Variants in RALYL observed in about 807,000 individuals in gnomAD.
RALYL encodes RALY RNA binding protein like.
In RALYL, 29 loss-of-function variants were observed where a neutral mutation model predicts 35.1. The observed-to-expected ratio is 0.83, with a 90% CI of 0.61 to 1.13. The LOEUF (loss-of-function observed/expected upper bound fraction) is 1.13, where lower values mean the gene tolerates loss of function less well. RALYL is among the 50% of genes most tolerant of loss of function. The probability of loss-of-function intolerance (pLI) is 0.00; values close to 1 mark genes in which losing one functional copy is unlikely to be tolerated. For missense variants in RALYL, 359 were observed against 360.4 expected (o/e 1.00, Z 0.03); for synonymous variants, 120 against 127.6 (o/e 0.94, Z 0.40).
At chr8:84,902,498 C>T (rs948149150) in intron 8 of RALYL, among the ~76,000 whole-genome samples, 1 of 152,148 alleles carries the variant, frequency 6.6e-6, no homozygotes, top group Non-Finnish European at 1.5e-5. Flanking sequence ...TATCATATGT[C>T]TACACTGTAA....
intron 1 of RALYL, among the ~76,000 whole-genome samples, chr8:84,333,854 GT>G (rs1847276523): frequency 6.6e-6 from 1 of 152,016 alleles, no homozygotes; most frequent in South Asian, 2.1e-4. Flanking sequence ...AACAGCAGGG[GT>G]GGGGGCAGCT....
chr8:84,342,501 A>C (rs1162069176), intron 1 of RALYL, among the ~76,000 whole-genome samples: 1 of 151,414 alleles, frequency 6.6e-6, no homozygotes, highest in Non-Finnish European at 1.5e-5. Flanking sequence ...TGGTGCTTGA[A>C]GAAGCGAATT....
intron 4 of RALYL, among the ~76,000 whole-genome samples, chr8:84,820,854 G>A (rs1401626083): frequency 6.6e-6 from 1 of 152,140 alleles, no homozygotes; most frequent in Non-Finnish European, 1.5e-5. Flanking sequence ...TACTGAATGT[G>A]TATATGAATA....
At chr8:84,581,374 A>G (rs577496807) in intron 2 of RALYL, among the ~76,000 whole-genome samples, 1 of 152,282 alleles carries the variant, frequency 6.6e-6, no homozygotes, top group Non-Finnish European at 1.5e-5. Flanking sequence ...TCTCCTGACT[A>G]TATCTATTGT....
intron 2 of RALYL, among the ~76,000 whole-genome samples, chr8:84,721,045 A>G (rs1251605123): frequency 1.3e-5 from 2 of 152,008 alleles, no homozygotes; most frequent in African/African-American, 4.8e-5. Context: ...TACAGCCACA[A>G]TGGAAAACAG....
chr8:84,691,164 TACAA>T (rs1238333572), intron 2 of RALYL, among the ~76,000 whole-genome samples: 5 of 152,130 alleles, frequency 3.3e-5, no homozygotes, highest in Non-Finnish European at 7.4e-5. Flanking sequence ...TTTATTAGAC[TACAA>T]ACATTTTGTA....
intron 2 of RALYL, among the ~76,000 whole-genome samples, chr8:84,735,231 G>T (rs1185985889): frequency 2.0e-5 from 3 of 151,730 alleles, no homozygotes; most frequent in Non-Finnish European, 2.9e-5. Flanking sequence ...CTCCAGTACT[G>T]TTCCAAGTTC....
chr8:84,488,618 T>G (rs1406087277), intron 1 of RALYL, among the ~76,000 whole-genome samples: 3 of 151,916 alleles, frequency 2.0e-5, no homozygotes, highest in Non-Finnish European at 2.9e-5. Flanking sequence ...GGAACAACTG[T>G]GTAGAGCAGA....
chr8:84,226,914 A>T (rs1824020316), intron 1 of RALYL, among the ~76,000 whole-genome samples: 1 of 151,978 alleles, frequency 6.6e-6, no homozygotes, highest in Non-Finnish European at 1.5e-5. Flanking sequence ...ATCTCAGCTG[A>T]TGTGTTATTA....
chr8:84,206,663 G>A (rs1366520777), intron 1 of RALYL, among the ~76,000 whole-genome samples: 1 of 152,118 alleles, frequency 6.6e-6, no homozygotes, highest in Non-Finnish European at 1.5e-5. Flanking sequence ...TCTGAGTGGA[G>A]GTGATATGTG....
At chr8:84,449,874 A>T (rs1448846639) in intron 1 of RALYL, among the ~76,000 whole-genome samples, 4 of 152,002 alleles carry the variant, frequency 2.6e-5, no homozygotes, top group Non-Finnish European at 4.4e-5. Flanking sequence ...CACTTGCATC[A>T]TTATTGCATT....
At chr8:84,567,133 C>T (rs1308251962) in intron 2 of RALYL, among the ~76,000 whole-genome samples, 2 of 151,738 alleles carry the variant, frequency 1.3e-5, no homozygotes, top group Non-Finnish European at 2.9e-5. Flanking sequence ...AAATTCTGAT[C>T]ATTAATCACT....
At chr8:84,226,286 C>T (rs1823858589) in intron 1 of RALYL, among the ~76,000 whole-genome samples, 1 of 152,208 alleles carries the variant, frequency 6.6e-6, no homozygotes, top group Non-Finnish European at 1.5e-5. Flanking sequence ...CACTAAACCC[C>T]TCCCTGCCAT....
At chr8:84,770,520 G>A (rs77512761) in intron 2 of RALYL, among the ~76,000 whole-genome samples, 1 of 150,212 alleles carries the variant, frequency 6.7e-6, no homozygotes, top group East Asian at 1.9e-4. Context: ...GCACGTGCAA[G>A]TATCTTTTTC....
At chr8:84,832,360 G>C (rs146573877) in intron 4 of RALYL, among the ~76,000 whole-genome samples, 6 of 152,048 alleles carry the variant, frequency 3.9e-5, no homozygotes, top group African/African-American at 1.4e-4. Context: ...TTGGCTTATA[G>C]GTTGCTCTTT....
rs1192504257 is a variant in RALYL, at chr8:84,422,757, C to G, written c.-23-106542C>G. 3.5e-5 allele frequency among the ~76,000 whole-genome samples: 5 copies of G among 143,590 alleles called. No homozygotes were observed. The East Asian group carries it at 1.0e-3, about 30-fold the overall frequency. The allele number at this position is 143,590 out of a possible 152,430, so 94.2% of individuals were successfully genotyped here. ...GATTCTGGTATGTTGTGTCTTTGTT[C>G]TCATTGGTTTCAAAGAACATCTTTA... On this transcript the variant is annotated intron_variant, in intron 1 of 8. Transcript: ENST00000521268.
chr8:84,913,066 A>G (rs1210489653), intron 8 of RALYL, among the ~76,000 whole-genome samples: 1 of 151,736 alleles, frequency 6.6e-6, no homozygotes, highest in East Asian at 1.9e-4. Context: ...ATAGATAGAT[A>G]GATAGATAGA....
chr8:84,780,548 C>T (rs983767379), intron 3 of RALYL, among the ~76,000 whole-genome samples: 1 of 152,166 alleles, frequency 6.6e-6, no homozygotes, highest in Non-Finnish European at 1.5e-5. Flanking sequence ...AGGGGTCAAA[C>T]ATTCACTTTA....
intron 1 of RALYL, among the ~76,000 whole-genome samples, chr8:84,421,984 A>G (rs953949913): frequency 3.3e-5 from 5 of 152,268 alleles, no homozygotes; most frequent in South Asian, 2.1e-4. Flanking sequence ...ATCAATTTTC[A>G]TCAAGGTTAT....
Sources: allele counts gnomAD v4.1 joint callset (sites outside exome capture counted in the v4.1 genomes callset), GRCh38; gene constraint gnomAD v4.1.1; transcripts MANE v1.5; gene names NCBI Gene and HGNC (gene_info 2026-07-23, HGNC 2026-07-21).